Variants in TTF2 observed in about 807,000 individuals in gnomAD.
TTF2 encodes the protein RNA polymerase II termination factor.
In TTF2, 108 loss-of-function variants were observed where a neutral mutation model predicts 142.4. The observed-to-expected ratio is 0.76, with a 90% CI of 0.65 to 0.89. The LOEUF is 0.89. TTF2 is among the 40% of genes least tolerant of loss of function. The pLI, the probability that TTF2 is intolerant of heterozygous loss-of-function variation, is 0.00. For synonymous variants in TTF2, 483 were observed against 506.2 expected, an observed-to-expected ratio of 0.95 and a Z score of 0.61; for missense variants, 1,327 against 1,379.8, an observed-to-expected ratio of 0.96 and a Z score of 0.61.
chr1:117,088,919 C>T lies in TTF2; in HGVS notation c.2279C>T (p.Ala760Val). The T allele has an allele frequency of 6.2e-7, 1 of 1,613,752 alleles. No homozygotes were observed. Among genetic ancestry groups the T allele is most frequent in the East Asian group, 2.2e-5 (1 of 44,860 alleles). ...SIAVCKLQACARWAVTGTPIQ... is the reference protein window; with the variant it reads ...SIAVCKLQACVRWAVTGTPIQ... ...GCTGTGTGTAAGCTACAAGCCTGTGCCCGTTGGGCTGTCACTGGAACCCCC... is the reference window on the plus strand; with the variant it reads ...GCTGTGTGTAAGCTACAAGCCTGTGTCCGTTGGGCTGTCACTGGAACCCCC... Residue 760 changes from alanine (A) to valine (V), a missense_variant, in exon 13 of 23, where the codon GCC becomes GTC. By Grantham distance (64) the Ala-to-Val change is moderately conservative. Coordinates refer to ENST00000369466, the MANE Select transcript of TTF2 (RefSeq NM_003594.4).
chr1:117,091,524 C>T (rs1648576683), intron 16 of TTF2, 114 bp downstream of exon 16: 2 of 1,121,842 alleles, frequency 1.8e-6, no homozygotes, highest in Non-Finnish European at 1.3e-6. Flanking sequence ...TTGGCGTTAA[C>T]TAAGACCCTC....
In TTF2 at chr1:117,073,755, C is replaced by T; in HGVS notation, c.285+28C>T. On this transcript the variant is annotated intron_variant, in intron 4 of 22. Coordinates refer to ENST00000369466, the MANE Select transcript of TTF2 (RefSeq NM_003594.4). This position sits in a 1 kb window ranked among gnomAD's most constrained non-coding sequence, Gnocchi z 4.4. ...AGGAATTATTCATCTGTTTTCAAAC[C>T]TGCTGTGTTAAGACTTTTAATATGC... 1 of 1,605,568 alleles carries T rather than the reference C, an allele frequency of 6.2e-7. No individual in the cohort carries two copies. The highest frequency in any genetic ancestry group is 8.5e-7 in the Non-Finnish European group (1 of 1,173,634).
chr1:117,093,600 C>T lies in TTF2; in HGVS notation c.2976+699C>T, dbSNP rs1266158104. Among the ~76,000 whole-genome samples, 1 of 152,092 alleles carries T rather than the reference C, an allele frequency of 6.6e-6. No homozygotes were observed. Among genetic ancestry groups the T allele is most frequent in the African/African-American group, 2.4e-5 (1 of 41,402 alleles). ...TATTAATAACTAGAAAGGTCACTTC[C>T]AGGGGAATGGCATTATTTTTTAAAA... is the stretch of plus-strand genomic sequence containing the variant. On this transcript the variant is annotated intron_variant, in intron 18 of 22. Coordinates refer to ENST00000369466, the MANE Select transcript of TTF2 (RefSeq NM_003594.4). The surrounding 1 kb of genome is among the most constrained non-coding windows in gnomAD (Gnocchi z 4.5).
In TTF2 at chr1:117,096,206, G is replaced by A. The variant is rs1323922813; in HGVS notation, c.3093G>A (p.Lys1031=). Residue 1031 remains lysine, a synonymous_variant, in exon 20 of 23, where the codon AAG becomes AAA. Coordinates refer to ENST00000369466, the MANE Select transcript of TTF2 (RefSeq NM_003594.4). ...AAGTTGTAGCATTGCACCTGAAGAAGCATGGACTGACTTATGCCACCATCG... is the reference window on the plus strand; with the variant it reads ...AAGTTGTAGCATTGCACCTGAAGAAACATGGACTGACTTATGCCACCATCG... ...MLKVVALHLK[K]HGLTYATIDG... The A allele has an allele frequency of 1.9e-6, 3 of 1,614,122 alleles. No individual in the cohort carries two copies. The highest frequency in any genetic ancestry group is 2.2e-5 in the South Asian group (2 of 91,082).
Position 117,088,945 on chromosome 1 carries a change from A to G in TTF2, c.2305A>G (p.Ile769Val). ...CCGTTGGGCTGTCACTGGAACCCCC[A>G]TTCAAAACAACTTATTGGATATGTA... Reference protein sequence around the residue: ...CARWAVTGTPIQNNLLDMYSL... With the variant: ...CARWAVTGTPVQNNLLDMYSL... The change falls in exon 13 of 23, where the codon ATT becomes GTT. Residue 769 changes from isoleucine (I) to valine (V), a missense_variant. Ile to Val is a conservative substitution (Grantham distance 29). Transcript: ENST00000369466. 1 of 1,613,132 alleles carries G rather than the reference A, an allele frequency of 6.2e-7. No homozygotes were observed. The highest frequency in any genetic ancestry group is 1.3e-5 in the African/African-American group (1 of 74,958).
rs1473048531 is a variant in TTF2, at chr1:117,095,295, T to G, written c.2977-14T>G. 3 of 1,613,992 alleles carry G rather than the reference T, an allele frequency of 1.9e-6. No homozygotes were observed. The highest frequency in any genetic ancestry group is 1.7e-5 in the Admixed American group (1 of 60,010). Reference sequence around the variant, plus strand: ...ATTGCTTAAACATACAATGTTGATGTAACCTTTTCCCAGATTTCATCTCTG... The same window carrying G: ...ATTGCTTAAACATACAATGTTGATGGAACCTTTTCCCAGATTTCATCTCTG... On this transcript the variant is annotated splice_polypyrimidine_tract_variant and intron_variant, in intron 18 of 22. Transcript: ENST00000369466.
chr1:117,075,462 C>T lies in TTF2; in HGVS notation c.878C>T (p.Thr293Ile). The T allele has an allele frequency of 1.2e-6, 2 of 1,614,090 alleles. No homozygotes were observed. Among genetic ancestry groups the T allele is most frequent in the Non-Finnish European group, 1.7e-6 (2 of 1,179,980 alleles). Residue 293 changes from threonine to isoleucine, a missense_variant, in exon 5 of 23, where the codon ACA becomes ATA. Physicochemically the swap from Thr to Ile is moderately conservative, Grantham distance 89. Transcript: ENST00000369466. This position sits in a 1 kb window ranked among gnomAD's most constrained non-coding sequence, Gnocchi z 4.5. ...KEYTNWEAKE[T>I]KAKDGPSIQA... The stretch of plus-strand genomic sequence containing the variant: ...TACACGAACTGGGAGGCTAAAGAAA[C>T]AAAGGCAAAGGATGGCCCTAGCATA...
chr1:117,095,551 A>AG (rs1344456696), intron 19 of TTF2, among the ~76,000 whole-genome samples, 184 bp downstream of exon 19: 1 of 152,208 alleles, frequency 6.6e-6, no homozygotes, highest in Non-Finnish European at 1.5e-5. Context: ...AGATCCCTAG[A>AG]GGATCAGGGT....
chr1:117,075,992 T>C lies in TTF2; in HGVS notation c.1275+133T>C. 1 of 1,363,128 alleles carries C rather than the reference T, an allele frequency of 7.3e-7. No individual in the cohort carries two copies. Among genetic ancestry groups the C allele is most frequent in the Non-Finnish European group, 9.8e-7 (1 of 1,023,198 alleles). The allele number at this position is 1,363,128 out of a possible 1,614,324, so 84.4% of individuals were successfully genotyped here. ...TATAGGTGCATGTTCAGTTTCTGCC[T>C]TTTCCCCTATTTATATTTTCAAGAT... On this transcript the variant is annotated intron_variant, in intron 5 of 22. Transcript: ENST00000369466. The surrounding 1 kb of genome is among the most constrained non-coding windows in gnomAD (Gnocchi z 4.5).
Position 117,073,578 on chromosome 1 carries a change from G to A in TTF2, c.219-83G>A. ...AGCCAGGTTCAAATAGTTGCAAGATGTTTTCTTGGATTAAAAATAAGCTTA... is the reference window on the plus strand; with the variant it reads ...AGCCAGGTTCAAATAGTTGCAAGATATTTTCTTGGATTAAAAATAAGCTTA... On this transcript the variant is annotated intron_variant, in intron 3 of 22. Coordinates refer to ENST00000369466, the MANE Select transcript of TTF2 (RefSeq NM_003594.4). This position sits in a 1 kb window ranked among gnomAD's most constrained non-coding sequence, Gnocchi z 4.4. The A allele has an allele frequency of 7.3e-7, 1 of 1,373,346 alleles. No homozygotes were observed. Among genetic ancestry groups the A allele is most frequent in the South Asian group, 1.4e-5 (1 of 69,438 alleles). 85.1% of individuals were successfully genotyped at this position (1,373,346 alleles called of 1,614,324 possible).
rs1213091637 is a variant in TTF2 at position 117,087,390 on chromosome 1, C to T, written c.2160+868C>T. 6.6e-6 allele frequency among the ~76,000 whole-genome samples: 1 copy of T among 152,178 alleles called. No individual in the cohort carries two copies. Among genetic ancestry groups the T allele is most frequent in the Non-Finnish European group, 1.5e-5 (1 of 68,030 alleles). On this transcript the variant is annotated intron_variant, in intron 12 of 22. Transcript: ENST00000369466. The surrounding 1 kb of genome is among the most constrained non-coding windows in gnomAD (Gnocchi z 4.8). ...CACTGCAACCTCTGCATCCCGGGTT[C>T]AAGCGATTCTCCTGCCTCAGCTTCC...
Position 117,093,045 on chromosome 1 carries a change from C to A in TTF2, c.2976+144C>A. 2 of 907,744 alleles carry A rather than the reference C, an allele frequency of 2.2e-6. No individual in the cohort carries two copies. Among genetic ancestry groups the A allele is most frequent in the East Asian group, 2.5e-5 (1 of 39,526 alleles). The allele number at this position is 907,744 out of a possible 1,614,324, so 56.2% of individuals were successfully genotyped here. On this transcript the variant is annotated intron_variant, in intron 18 of 22. Coordinates refer to ENST00000369466, the MANE Select transcript of TTF2 (RefSeq NM_003594.4). This position sits in a 1 kb window ranked among gnomAD's most constrained non-coding sequence, Gnocchi z 4.5. ...TAAATTCTAGCTGATCAGATTCTCCCTCCAGTCTTAAAGCTTCATTTATTT... is the reference window on the plus strand; with the variant it reads ...TAAATTCTAGCTGATCAGATTCTCCATCCAGTCTTAAAGCTTCATTTATTT...
chr1:117,067,683 A>G (rs1656254110), intron 3 of TTF2, among the ~76,000 whole-genome samples: 1 of 152,350 alleles, frequency 6.6e-6, no homozygotes, highest in South Asian at 2.1e-4. Flanking sequence ...AAGTCTATAT[A>G]TGGATGATGG....
intron 12 of TTF2, among the ~76,000 whole-genome samples, chr1:117,088,311 G>A (rs1034237824): frequency 6.6e-6 from 1 of 152,190 alleles, no homozygotes; most frequent in South Asian, 2.1e-4. Context: ...GCCGAGGCGG[G>A]TGGATCACGA....
At position 117,075,924 on chromosome 1, in the gene TTF2, T is replaced by A. The variant is rs536056151; in HGVS notation, c.1275+65T>A. On this transcript the variant is annotated intron_variant, in intron 5 of 22. Coordinates refer to ENST00000369466, the MANE Select transcript of TTF2 (RefSeq NM_003594.4). This position sits in a 1 kb window ranked among gnomAD's most constrained non-coding sequence, Gnocchi z 4.5. ...TTGCTTGTTATGGGCAGATATGAGA[T>A]CTCATTGCTACAGAAGGGTTAAATA... The A allele has an allele frequency of 2.6e-6, 4 of 1,529,644 alleles. No homozygotes were observed. The highest frequency in any genetic ancestry group is 1.4e-5 in the African/African-American group (1 of 72,220). The allele number at this position is 1,529,644 out of a possible 1,614,324, so 94.8% of individuals were successfully genotyped here. A position where few individuals can be genotyped will look rare whatever the true frequency, so the allele number is the denominator to read the frequency against.
rs1647784625 is a variant in TTF2, at chr1:117,084,064, C to T, written c.1950C>T (p.Ala650=). Residue 650 remains alanine, a synonymous_variant, in exon 11 of 23, where the codon GCC becomes GCT. Transcript: ENST00000369466. The part of the protein sequence containing the change: ...TSHGTLIICP[A]SLIHHWKNEV... ...ATGGAACACTAATCATCTGTCCTGC[C>T]TCCCTGATCCATCATTGGAAAAATG... 6 of 1,614,232 alleles carry T rather than the reference C, an allele frequency of 3.7e-6. No individual in the cohort carries two copies. The highest frequency in any genetic ancestry group is 5.1e-6 in the Non-Finnish European group (6 of 1,180,044).
chr1:117,091,288 C>A, intron 15 of TTF2, 40 bp from the exon 16 acceptor site: 1 of 1,564,754 alleles, frequency 6.4e-7, no homozygotes, highest in Non-Finnish European at 8.7e-7. Flanking sequence ...GTCTTAGTGA[C>A]CATTATACAT....
In TTF2 at chr1:117,086,288, A is replaced by T; in HGVS notation, c.2055-129A>T. On this transcript the variant is annotated intron_variant, in intron 11 of 22. Coordinates refer to ENST00000369466, the MANE Select transcript of TTF2 (RefSeq NM_003594.4). This position sits in a 1 kb window ranked among gnomAD's most constrained non-coding sequence, Gnocchi z 4.2. ...GTGTGTGTGCGTGTGTGTGTTAAGG[A>T]CACAAGTTAATGAGTTCTGCTGTTT... The T allele has an allele frequency of 1.6e-6, 1 of 641,332 alleles. No individual in the cohort carries two copies. Among genetic ancestry groups the T allele is most frequent in the Non-Finnish European group, 2.8e-6 (1 of 357,080 alleles). The allele number at this position is 641,332 out of a possible 1,614,324, so 39.7% of individuals were successfully genotyped here.
rs1649862718 is a variant in TTF2 at position 117,105,343 on chromosome 1, C to T, written c.*3819C>T. On this transcript the variant is annotated 3_prime_UTR_variant, in exon 23 of 23. Coordinates refer to ENST00000369466, the MANE Select transcript of TTF2 (RefSeq NM_003594.4). This position sits in a 1 kb window ranked among gnomAD's most constrained non-coding sequence, Gnocchi z 4.7. ...TGGAAGGTATGTAGTTTGACTTTGC[C>T]TTAGCCATGTTGATCAAATAGGAGT... The T allele has an allele frequency of 1.3e-5, 2 of 152,192 alleles. No homozygotes were observed. The highest frequency in any genetic ancestry group is 4.8e-5 in the African/African-American group (2 of 41,428). The allele number at this position is 152,192 out of a possible 1,614,324, so 9.4% of individuals were successfully genotyped here.
Sources: allele counts gnomAD v4.1 joint callset (sites outside exome capture counted in the v4.1 genomes callset), GRCh38; gene constraint gnomAD v4.1.1; non-coding constraint Gnocchi (gnomAD v3.1); transcripts MANE v1.5; gene names NCBI Gene and HGNC (gene_info 2026-07-23, HGNC 2026-07-21).